Variants in CPLANE1 observed in about 807,000 individuals in gnomAD.
The protein encoded by CPLANE1 is ciliogenesis and planar polarity effector complex subunit 1.
Under a neutral mutation model 362.5 loss-of-function variants are expected in CPLANE1, and 263 were observed. That is an observed-to-expected ratio of 0.73 (90% CI 0.66 to 0.80). The LOEUF is 0.80. Among genes scored for constraint, CPLANE1 ranks in the 30% least tolerant of loss-of-function variants. CPLANE1 has a pLI of 0.00. For missense variants in CPLANE1, 3,461 were observed against 3,793.4 expected, an observed-to-expected ratio of 0.91 and a Z score of 2.30; for synonymous variants, 1,212 against 1,302.6, an observed-to-expected ratio of 0.93 and a Z score of 1.50.
Position 37,213,663 on chromosome 5 carries a change from A to T in CPLANE1, c.2816T>A (p.Val939Asp). 10 of 1,544,630 alleles carry T rather than the reference A, an allele frequency of 6.5e-6. No individual in the cohort carries two copies. Among genetic ancestry groups the T allele is most frequent in the Non-Finnish European group, 7.9e-6 (9 of 1,142,532 alleles). Residue 939 changes from valine to aspartate, a missense_variant, in exon 16 of 53, where the codon GTC (valine) becomes GAC (aspartate). This residue lies in a region of CPLANE1 where 3,380 missense variants were observed against 3,666.1 expected (regional missense o/e 0.92). Transcript: ENST00000651892. ...AGCCATGAAACGAGCCATGGACTGG[A>T]CGACTCTCACTGCTGCCTCAGGATG... ...GVHPEAAVRV[V>D]QSMARFMAAY...
At chr5:37,113,788 C>T (rs1459754138) in intron 51 of CPLANE1, among the ~76,000 whole-genome samples, 1 of 152,150 alleles carries the variant, frequency 6.6e-6, no homozygotes, top group Non-Finnish European at 1.5e-5. Flanking sequence ...TCATTTTTCA[C>T]AGTACATATA....
In CPLANE1 at chr5:37,175,927, G is replaced by C. The variant is rs141126113; in HGVS notation, c.5960C>G (p.Thr1987Arg). 10 of 1,612,558 alleles carry C rather than the reference G, an allele frequency of 6.2e-6. No individual in the cohort carries two copies. The East Asian group carries it at 2.0e-4, about 32-fold the overall frequency. The change falls in exon 31 of 53, where the codon ACG becomes AGG. Residue 1987 changes from threonine to arginine, a missense_variant. By Grantham distance (71) the Thr-to-Arg change is moderately conservative. This residue lies in a region of CPLANE1 where 3,380 missense variants were observed against 3,666.1 expected (regional missense o/e 0.92). Coordinates refer to ENST00000651892, the MANE Select transcript of CPLANE1 (RefSeq NM_001384732.1). ...TTCTTACCTAGAAATTTCTGAACTC[G>C]TATCTACTTGCATTGATTGAGGAGT... ...HTTPQSMQVD[T>R]SSEISSAQIS...
chr5:37,245,627 A>G (rs1739380682), intron 3 of CPLANE1, 29 bp from the exon 4 acceptor site: 1 of 1,500,462 alleles, frequency 6.7e-7, no homozygotes, highest in South Asian at 1.3e-5. Context: ...TGCAATACTT[A>G]CAATCTAGTA....
downstream of CPLANE1, among the ~76,000 whole-genome samples, chr5:37,104,011 T>C (rs759701213): frequency 3.9e-5 from 6 of 152,220 alleles, no homozygotes; most frequent in Non-Finnish European, 8.8e-5. Context: ...CAATCAGTCA[T>C]AGGATGTCTT....
At chr5:37,124,999 A>G (rs1763752155) in intron 47 of CPLANE1, 11 of 1,259,112 alleles carry the variant, frequency 8.7e-6, no homozygotes, top group East Asian at 3.8e-5. Context: ...TTAAAATGCT[A>G]TAGCCATCAT....
chr5:37,167,315 G>A (rs1778524475), intron 34 of CPLANE1, 102 bp from the exon 35 acceptor site: 1 of 878,334 alleles, frequency 1.1e-6, no homozygotes, highest in South Asian at 1.7e-5. Flanking sequence ...AAATTAAACT[G>A]TGCAACAGTT....
chr5:37,174,598 G>GGAT (rs1780659551), intron 31 of CPLANE1, among the ~76,000 whole-genome samples: 1 of 151,384 alleles, frequency 6.6e-6, no homozygotes, highest in South Asian at 2.1e-4. Context: ...GACTGTTGGG[G>GGAT]GATGACTCCT....
At chr5:37,211,166 A>G in intron 16 of CPLANE1, 1 of 1,285,458 alleles carries the variant, frequency 7.8e-7, no homozygotes, top group Non-Finnish European at 1.1e-6. Flanking sequence ...AAGTTCTAGC[A>G]GGTACGGTTG....
chr5:37,227,850 TA>T (rs1302916107), intron 9 of CPLANE1, 33 bp from the exon 10 acceptor site: 2 of 1,515,120 alleles, frequency 1.3e-6, no homozygotes, highest in Non-Finnish European at 1.8e-6. Flanking sequence ...CAAGAATCAG[TA>T]AGAGAAAGAT....
rs534414028 is a variant in CPLANE1 at position 37,213,518 on chromosome 5, A to T, written c.2920+41T>A. On this transcript the variant is annotated intron_variant, in intron 16 of 52. Transcript: ENST00000651892. Reference sequence around the variant, plus strand: ...ATGTTTTAAATATTATATTATGTGCAATGCAAAAAAAGTTTAAAAAGGATT... The same window carrying T: ...ATGTTTTAAATATTATATTATGTGCTATGCAAAAAAAGTTTAAAAAGGATT... 2.0e-4 allele frequency: 280 copies of T among 1,368,876 alleles called. 2 individuals are homozygous for T. The Middle Eastern group carries it at 3.4e-3, about 17-fold the overall frequency. The allele number at this position is 1,368,876 out of a possible 1,614,324, so 84.8% of individuals were successfully genotyped here.
chr5:37,184,119 C>T (rs1354303466), intron 25 of CPLANE1, among the ~76,000 whole-genome samples: 1 of 152,174 alleles, frequency 6.6e-6, no homozygotes, highest in East Asian at 1.9e-4. Context: ...TCTGCCCGCT[C>T]AGCTCCCCTA....
At chr5:37,190,006 A>AAAAAG (rs564800584) in intron 21 of CPLANE1, among the ~76,000 whole-genome samples, 1 of 152,130 alleles carries the variant, frequency 6.6e-6, no homozygotes, top group Admixed American at 6.6e-5. Context: ...TCTCAAAAAA[A>AAAAAG]AAAAGAAAAG....
At chr5:37,199,989 T>G (rs1417733330) in intron 19 of CPLANE1, among the ~76,000 whole-genome samples, 1 of 152,218 alleles carries the variant, frequency 6.6e-6, no homozygotes, top group African/African-American at 2.4e-5. Flanking sequence ...ACTGTGCCCA[T>G]GGACATGGAC....
intron 11 of CPLANE1, 40 bp downstream of exon 11, chr5:37,227,203 C>A: frequency 6.5e-7 from 1 of 1,539,006 alleles, no homozygotes; most frequent in South Asian, 1.2e-5. Flanking sequence ...GGAATAAAGT[C>A]ATAATTGTTC....
intron 16 of CPLANE1, among the ~76,000 whole-genome samples, chr5:37,208,954 GAA>G (rs566770381): frequency 1.4e-5 from 2 of 147,862 alleles, no homozygotes; most frequent in African/African-American, 5.0e-5. Flanking sequence ...AAAAAGAAAA[GAA>G]AAAAAGAAAA....
At chr5:37,076,179 A>G in the CPLANE1 span, among the ~76,000 whole-genome samples, 3 of 151,814 alleles carry the variant, frequency 2.0e-5, no homozygotes, top group African/African-American at 7.3e-5. Context: ...TCACTTGAAC[A>G]AGAGGTAGAG....
chr5:37,211,260 G>A, intron 16 of CPLANE1: 1 of 1,507,544 alleles, frequency 6.6e-7, no homozygotes, highest in South Asian at 1.1e-5. Context: ...CAATACTAAT[G>A]CAAGGGTCAA....
At chr5:37,127,053 T>C (rs1002164138) in intron 46 of CPLANE1, among the ~76,000 whole-genome samples, 1 of 152,168 alleles carries the variant, frequency 6.6e-6, no homozygotes, top group African/African-American at 2.4e-5. Flanking sequence ...GCTTGCCTGG[T>C]AGACATTTCA....
chr5:37,142,634 T>TA, intron 43 of CPLANE1, 154 bp from the exon 44 acceptor site: 2 of 460,908 alleles, frequency 4.3e-6, no homozygotes, highest in Non-Finnish European at 7.4e-6. Flanking sequence ...ATGAATTTAA[T>TA]AAAAAATTTG....
Sources: gnomAD v4.1 joint callset for allele counts (sites outside exome capture counted in the v4.1 genomes callset) on GRCh38, gnomAD v4.1.1 for gene constraint, gnomAD v4.1.1 regional missense constraint, MANE v1.5 for transcripts, NCBI Gene and HGNC (gene_info 2026-07-23, HGNC 2026-07-21) for gene names.